Variants in CADM2 observed in about 807,000 individuals in gnomAD.
The protein encoded by CADM2 is cell adhesion molecule 2.
CADM2 carries 12 observed loss-of-function variants against 49.8 expected under a neutral mutation model. The ratio of observed to expected loss-of-function variants is 0.24; its 90% CI spans 0.15 to 0.39. CADM2 has a LOEUF of 0.39. CADM2 is among the 10% of genes least tolerant of loss of function. The probability of loss-of-function intolerance (pLI) is 1.00; values close to 1 mark genes in which losing one functional copy is unlikely to be tolerated. For synonymous variants in CADM2, 214 were observed against 175.4 expected (o/e 1.22, Z -1.74); for missense variants, 378 against 492.3 (o/e 0.77, Z 2.20).
chr3:85,974,295 A>T (rs1274580003), intron 8 of CADM2, among the ~76,000 whole-genome samples: 1 of 151,632 alleles, frequency 6.6e-6, no homozygotes, highest in African/African-American at 2.4e-5. Context: ...GAGAACCTAC[A>T]GCACAAAGAA....
At chr3:84,991,431 T>G (rs78287048) in intron 1 of CADM2, among the ~76,000 whole-genome samples, 3,347 of 152,244 alleles carry the variant, frequency 0.022, 56 homozygotes, top group Middle Eastern at 0.054. Flanking sequence ...CCATTCTGTC[T>G]CTGTAAAGCT....
chr3:85,357,398 C>T (rs894649290), intron 1 of CADM2, among the ~76,000 whole-genome samples: 2 of 151,970 alleles, frequency 1.3e-5, no homozygotes, highest in African/African-American at 4.8e-5. Flanking sequence ...TAACTTTTAC[C>T]AAATTCTTAT....
At chr3:85,008,996 G>A (rs905104164) in intron 1 of CADM2, among the ~76,000 whole-genome samples, 2 of 152,084 alleles carry the variant, frequency 1.3e-5, no homozygotes, top group African/African-American at 4.8e-5. Context: ...TTTGTTCTTG[G>A]GATTGCCATA....
At chr3:86,017,585 C>T (rs1027566821) in intron 8 of CADM2, among the ~76,000 whole-genome samples, 4 of 151,662 alleles carry the variant, frequency 2.6e-5, no homozygotes, top group African/African-American at 7.3e-5. Flanking sequence ...AAAAATTAGC[C>T]GGGCACAGTA....
At chr3:85,472,415 C>T (rs1242722781) in intron 1 of CADM2, among the ~76,000 whole-genome samples, 3 of 151,810 alleles carry the variant, frequency 2.0e-5, no homozygotes, top group Non-Finnish European at 4.4e-5. Flanking sequence ...CACACATACA[C>T]AGAGTGATAT....
At position 85,151,909 on chromosome 3, in the gene CADM2, TATGATCA is replaced by T. The variant is rs1186313044; in HGVS notation, c.61+192246_61+192252del. Among the ~76,000 whole-genome samples, 19 of 152,320 alleles carry T rather than the reference TATGATCA, an allele frequency of 1.2e-4. No homozygotes were observed. The East Asian group carries it at 3.7e-3, about 29-fold the overall frequency. On this transcript the variant is annotated intron_variant, in intron 1 of 9. Transcript: ENST00000383699. ...GCTTAAAGCAATGCCTTATTAATAT[TATGATCA>T]ATGAGTAGAGTATATTAAAGAGCTT...
chr3:85,977,589 T>C (rs1726951793), intron 8 of CADM2, among the ~76,000 whole-genome samples: 1 of 151,628 alleles, frequency 6.6e-6, no homozygotes, highest in South Asian at 2.1e-4. Context: ...CTGCCTAAAC[T>C]GTTTAAGAAA....
At chr3:85,314,496 T>G (rs987032350) in intron 1 of CADM2, among the ~76,000 whole-genome samples, 2 of 152,166 alleles carry the variant, frequency 1.3e-5, no homozygotes, top group Non-Finnish European at 2.9e-5. Context: ...ATCTTAATTG[T>G]AACCTAAGGA....
chr3:85,106,487 G>A (rs2107557520), intron 1 of CADM2, among the ~76,000 whole-genome samples: 1 of 152,170 alleles, frequency 6.6e-6, no homozygotes. Context: ...ACAGTATTTG[G>A]GCACAGGTTC....
rs1215336421 is a variant in CADM2, at chr3:85,784,550, CT to C, written c.89-17496del. On this transcript the variant is annotated intron_variant, in intron 2 of 9. Transcript: ENST00000383699. ...TATATTTATCTATCTATCTATCTATCTATCTATCTATCTATCTATCTATCTA... is the reference window on the plus strand; with the variant it reads ...TATATTTATCTATCTATCTATCTATCATCTATCTATCTATCTATCTATCTA... Among the ~76,000 whole-genome samples, 5 of 141,956 alleles carry C rather than the reference CT, an allele frequency of 3.5e-5. No individual in the cohort carries two copies. The East Asian group carries it at 9.7e-4, about 27-fold the overall frequency. The allele number at this position is 141,956 out of a possible 152,430, so 93.1% of individuals were successfully genotyped here.
intron 1 of CADM2, among the ~76,000 whole-genome samples, chr3:85,135,116 G>GA (rs2039374937): frequency 6.6e-6 from 1 of 151,872 alleles, no homozygotes; most frequent in African/African-American, 2.4e-5. Flanking sequence ...ACAATGGTTT[G>GA]AAAATCAGAG....
chr3:85,093,235 C>A (rs1346000139), intron 1 of CADM2, among the ~76,000 whole-genome samples: 1 of 151,934 alleles, frequency 6.6e-6, no homozygotes, highest in African/African-American at 2.4e-5. Context: ...TAAGATATAT[C>A]CTTGGCCAAG....
intron 1 of CADM2, among the ~76,000 whole-genome samples, chr3:85,395,809 T>C (rs1211080890): frequency 6.6e-6 from 1 of 151,818 alleles, no homozygotes; most frequent in Non-Finnish European, 1.5e-5. Context: ...TTTAGAATTA[T>C]GTCTAATAGT....
Position 85,225,932 on chromosome 3 carries a change from T to G in CADM2, c.61+266264T>G, listed in dbSNP as rs925118405. On this transcript the variant is annotated intron_variant, in intron 1 of 9. Coordinates refer to ENST00000383699, the MANE Select transcript of CADM2 (RefSeq NM_001167675.2). ...TGATTTGTGTATGTTGAACCAGCCT[T>G]GCATCCCAGGGATGAAGCCGACTTC... is the stretch of plus-strand genomic sequence containing the variant. Among the ~76,000 whole-genome samples, 5 of 152,234 alleles carry G rather than the reference T, an allele frequency of 3.3e-5. No individual in the cohort carries two copies. In the South Asian group the frequency reaches 1.0e-3, roughly 32 times the overall value.
chr3:85,933,342 C>A (rs1007660263), intron 6 of CADM2, among the ~76,000 whole-genome samples: 3 of 152,056 alleles, frequency 2.0e-5, no homozygotes, highest in African/African-American at 7.2e-5. Context: ...CACTCACTCT[C>A]GGTTCCACAG....
At chr3:85,508,002 T>C (rs2040434854) in intron 1 of CADM2, among the ~76,000 whole-genome samples, 1 of 152,156 alleles carries the variant, frequency 6.6e-6, no homozygotes, top group Non-Finnish European at 1.5e-5. Context: ...AGTCTCCTTA[T>C]CAATAGTAAT....
rs75296532 is a variant in CADM2, at chr3:85,168,864, T to C, written c.61+209196T>C. Among the ~76,000 whole-genome samples, 992 of 152,326 alleles carry C rather than the reference T, an allele frequency of 6.5e-3. 10 individuals are homozygous for C. Among genetic ancestry groups the C allele is most frequent in the African/African-American group, 0.023 (959 of 41,584 alleles). On this transcript the variant is annotated intron_variant, in intron 1 of 9. Transcript: ENST00000383699. ...GTTCATATTTGTCTATTTTTTGGCA[T>C]GAATCAGGCATTTAATATATATTTG...
intron 1 of CADM2, among the ~76,000 whole-genome samples, chr3:85,525,685 CTTA>C (rs2061144609): frequency 6.6e-6 from 1 of 151,912 alleles, no homozygotes; most frequent in Non-Finnish European, 1.5e-5. Flanking sequence ...TTATCATCTT[CTTA>C]TTTTGATGTG....
chr3:85,468,675 C>T (rs925143044), intron 1 of CADM2, among the ~76,000 whole-genome samples: 2 of 152,132 alleles, frequency 1.3e-5, no homozygotes, highest in African/African-American at 4.8e-5. Context: ...TACATCATTT[C>T]ACTCAAAGTC....
Sources: allele counts gnomAD v4.1 joint callset (sites outside exome capture counted in the v4.1 genomes callset), GRCh38; gene constraint gnomAD v4.1.1; transcripts MANE v1.5; gene names NCBI Gene and HGNC (gene_info 2026-07-23, HGNC 2026-07-21).